Variants in TENM4 observed in about 807,000 individuals in gnomAD.
TENM4 encodes teneurin transmembrane protein 4, also known as teneurin-4.
A neutral mutation model predicts 243.3 loss-of-function variants in TENM4; 82 were observed. That is an observed-to-expected ratio of 0.34 (90% CI 0.28 to 0.40). TENM4 has a LOEUF of 0.40. TENM4 is among the 10% of genes least tolerant of loss of function. TENM4 has a pLI of 1.00. For synonymous variants in TENM4, 1,412 were observed against 1,456.3 expected (o/e 0.97, Z 0.69); for missense variants, 3,138 against 3,673.3 (o/e 0.85, Z 3.77).
intron 9 of TENM4, among the ~76,000 whole-genome samples, chr11:78,871,333 C>T (rs1297342131): frequency 1.3e-5 from 2 of 148,444 alleles, no homozygotes; most frequent in Admixed American, 1.4e-4. Context: ...ACATGAACTA[C>T]CAGATGGGAG....
At chr11:78,847,874 T>C (rs1166354100) in intron 12 of TENM4, among the ~76,000 whole-genome samples, 1 of 152,188 alleles carries the variant, frequency 6.6e-6, no homozygotes, top group Non-Finnish European at 1.5e-5. Flanking sequence ...TTATGGTATA[T>C]AATGTCAGAG....
At chr11:79,324,133 T>C (rs1276490433) in intron 1 of TENM4, among the ~76,000 whole-genome samples, 1 of 152,236 alleles carries the variant, frequency 6.6e-6, no homozygotes, top group Non-Finnish European at 1.5e-5. Context: ...CCTAATATAA[T>C]GTAAATACTA....
At chr11:79,064,203 T>G (rs1347351824) in intron 6 of TENM4, among the ~76,000 whole-genome samples, 1 of 152,168 alleles carries the variant, frequency 6.6e-6, no homozygotes, top group Non-Finnish European at 1.5e-5. Context: ...AACTTACTCC[T>G]CCTAACTGAA....
In TENM4 at chr11:79,192,377, T is replaced by C. The variant is rs987066276; in HGVS notation, c.-163+23431A>G. Reference sequence around the variant, plus strand: ...AAATCGGATGGTTGCCGTGTCTGTGTAGAAAGAAGTAGACACGGGAGACTT... The same window carrying C: ...AAATCGGATGGTTGCCGTGTCTGTGCAGAAAGAAGTAGACACGGGAGACTT... On this transcript the variant is annotated intron_variant, in intron 3 of 33. Coordinates refer to ENST00000278550, the MANE Select transcript of TENM4 (RefSeq NM_001098816.3). 5.3e-5 allele frequency among the ~76,000 whole-genome samples: 8 copies of C among 152,148 alleles called. 1 individual carries two copies. The highest frequency in any genetic ancestry group is 4.6e-4 in the Admixed American group (7 of 15,276).
intron 12 of TENM4, among the ~76,000 whole-genome samples, chr11:78,850,893 C>CT (rs1858521540): frequency 6.6e-6 from 1 of 152,128 alleles, no homozygotes; most frequent in African/African-American, 2.4e-5. Flanking sequence ...GATCACAGAG[C>CT]TAACATGTGA....
At chr11:79,098,647 G>A (rs1448826465) in intron 4 of TENM4, among the ~76,000 whole-genome samples, 1 of 152,202 alleles carries the variant, frequency 6.6e-6, no homozygotes, top group Non-Finnish European at 1.5e-5. Context: ...GCTTGCAGAC[G>A]AAAAGTGTAC....
In TENM4 at chr11:79,194,045, C is replaced by T. The variant is rs536178751; in HGVS notation, c.-163+21763G>A. On this transcript the variant is annotated intron_variant, in intron 3 of 33. Transcript: ENST00000278550. ...GGGGAGGTAATTGAATCATGGGGGC[C>T]GGTCTTTCCTGTGCTATTTTCATGA... 3.9e-5 allele frequency among the ~76,000 whole-genome samples: 6 copies of T among 152,016 alleles called. No individual in the cohort carries two copies. The South Asian group carries it at 6.3e-4, about 16-fold the overall frequency.
chr11:79,292,997 C>G (rs1352005492), intron 2 of TENM4, among the ~76,000 whole-genome samples: 4 of 152,172 alleles, frequency 2.6e-5, no homozygotes, highest in Non-Finnish European at 5.9e-5. Context: ...CCTCAGAAAC[C>G]TCACAGTCCA....
At chr11:78,823,681 CT>C (rs1474158541) in intron 12 of TENM4, among the ~76,000 whole-genome samples, 1 of 151,990 alleles carries the variant, frequency 6.6e-6, no homozygotes, top group Non-Finnish European at 1.5e-5. Context: ...TGAAAGGCCC[CT>C]GAGCTGCCCG....
At chr11:79,186,205 A>G (rs1279712990) in intron 3 of TENM4, among the ~76,000 whole-genome samples, 1 of 152,160 alleles carries the variant, frequency 6.6e-6, no homozygotes, top group African/African-American at 2.4e-5. Context: ...GCCATGTCTT[A>G]TGCTTGTCAT....
At chr11:78,953,159 C>T (rs142253366) in intron 6 of TENM4, among the ~76,000 whole-genome samples, 246 of 152,286 alleles carry the variant, frequency 1.6e-3, no homozygotes, top group Admixed American at 4.2e-3. Flanking sequence ...AGCACTCCAT[C>T]GCTGGAACTA....
chr11:79,034,920 A>G (rs1333984378), intron 6 of TENM4, among the ~76,000 whole-genome samples: 2 of 152,184 alleles, frequency 1.3e-5, no homozygotes, highest in African/African-American at 4.8e-5. Flanking sequence ...ACTGTGCTCA[A>G]CAGGATCCCA....
intron 1 of TENM4, among the ~76,000 whole-genome samples, chr11:79,300,637 T>C: frequency 6.6e-6 from 1 of 152,242 alleles, no homozygotes; most frequent in East Asian, 1.9e-4. Context: ...AAAATCTCTA[T>C]TGATGTGATA....
chr11:78,729,695 G>T, intron 21 of TENM4, 52 bp from the exon 22 acceptor site: 1 of 1,546,112 alleles, frequency 6.5e-7, no homozygotes, highest in Non-Finnish European at 8.7e-7. Context: ...CTCACCGAGT[G>T]GAGGGAAGAT....
intron 6 of TENM4, among the ~76,000 whole-genome samples, chr11:79,062,261 A>G (rs1396815500): frequency 6.6e-6 from 1 of 152,206 alleles, no homozygotes; most frequent in Admixed American, 6.5e-5. Context: ...ATGCCCAGCC[A>G]TACAACTATT....
At chr11:78,938,263 GC>G (rs1403483133) in intron 6 of TENM4, among the ~76,000 whole-genome samples, 1 of 152,128 alleles carries the variant, frequency 6.6e-6, no homozygotes, top group African/African-American at 2.4e-5. Flanking sequence ...CTAGGTGCTG[GC>G]CTTTTTTATT....
chr11:79,292,571 A>T (rs1048164658), intron 2 of TENM4, among the ~76,000 whole-genome samples: 7 of 152,224 alleles, frequency 4.6e-5, no homozygotes, highest in African/African-American at 1.7e-4. Context: ...ATTAGAAGGC[A>T]ATGGATTTGA....
intron 9 of TENM4, among the ~76,000 whole-genome samples, chr11:78,865,607 G>A (rs1191891779): frequency 6.6e-6 from 1 of 152,128 alleles, no homozygotes; most frequent in Admixed American, 6.5e-5. Context: ...CTGTGTGACT[G>A]CCATCAAGAC....
chr11:78,788,589 A>G (rs117464431), intron 15 of TENM4, among the ~76,000 whole-genome samples: 2,490 of 152,338 alleles, frequency 0.016, 53 homozygotes, highest in Middle Eastern at 0.054. Flanking sequence ...GCTGCCTTGC[A>G]GCAGCCCTTT....
Sources: allele counts gnomAD v4.1 joint callset (sites outside exome capture counted in the v4.1 genomes callset), GRCh38; gene constraint gnomAD v4.1.1; transcripts MANE v1.5; gene names NCBI Gene and HGNC (gene_info 2026-07-23, HGNC 2026-07-21).